The following STK11 variants were observed in gnomAD, a reference collection of about 807,000 sequenced individuals.
STK11 encodes the protein serine/threonine-protein kinase STK11.
STK11 carries 8 observed loss-of-function variants against 47.3 expected under a neutral mutation model. That is an observed-to-expected ratio of 0.17 (90% CI 0.10 to 0.31). STK11 has a LOEUF of 0.31. Ranked by LOEUF, STK11 falls within the 10% of genes least tolerant of loss-of-function variation. The probability of loss-of-function intolerance (pLI) is 1.00; values close to 1 mark genes in which losing one functional copy is unlikely to be tolerated. For synonymous variants in STK11, 330 were observed against 255.8 expected, an observed-to-expected ratio of 1.29 and a Z score of -2.77; for missense variants, 475 against 605.0, an observed-to-expected ratio of 0.79 and a Z score of 2.25.
Position 1,222,003 on chromosome 19 carries a change from A to G in STK11, c.917A>G (p.His306Arg), listed in dbSNP as rs1363241574. The G allele has an allele frequency of 6.4e-7, 1 of 1,570,392 alleles. No individual in the cohort carries two copies. The highest frequency in any genetic ancestry group is 8.6e-7 in the Non-Finnish European group (1 of 1,158,708). The stretch of plus-strand genomic sequence containing the variant: ...TTCTCCATCCGGCAGATCCGGCAGC[A>G]CAGGTGAGCGGCCCCTGGGGGCAGT... ...KRFSIRQIRQ[H>R]SWFRKKHPPA... The change falls in exon 7 of 10, where the codon CAC (histidine) becomes CGC (arginine). Residue 306 changes from histidine to arginine, a missense_variant. This residue lies in a region of STK11 where 219 missense variants were observed against 189.2 expected (regional missense o/e 1.16). Transcript: ENST00000326873.
intron 9 of STK11, 99 bp downstream of exon 9, chr19:1,226,762 T>C: frequency 7.4e-7 from 1 of 1,356,698 alleles, no homozygotes. Flanking sequence ...ATGGTGACCG[T>C]CACGTGGCTG....
intron 8 of STK11, chr19:1,226,005 C>T (rs12977689): frequency 1.6e-5 from 16 of 1,005,248 alleles, no homozygotes; most frequent in East Asian, 1.1e-4. Flanking sequence ...TGGCATTTCG[C>T]GTGCCTGGCC....
Position 1,206,797 on chromosome 19 carries a change from C to T in STK11, c.-117C>T. On this transcript the variant is annotated 5_prime_UTR_variant, in exon 1 of 10. Coordinates refer to ENST00000326873, the MANE Select transcript of STK11 (RefSeq NM_000455.5). The stretch of plus-strand genomic sequence containing the variant: ...CCCTTCCTTTTGGGGTTTTTGTTGC[C>T]TTTTTTTTTTCTTTTTTCTTTGTAA... The T allele has an allele frequency of 2.5e-6, 3 of 1,183,182 alleles. No individual in the cohort carries two copies. The highest frequency in any genetic ancestry group is 2.3e-6 in the Non-Finnish European group (2 of 885,330). The allele number at this position is 1,183,182 out of a possible 1,614,324, so 73.3% of individuals were successfully genotyped here. A position where few individuals can be genotyped will look rare whatever the true frequency, so the allele number is the denominator to read the frequency against.
At chr19:1,208,604 G>T (rs1472975641) in intron 1 of STK11, among the ~76,000 whole-genome samples, 2 of 124,316 alleles carry the variant, frequency 1.6e-5, no homozygotes, top group South Asian at 2.5e-4. Context: ...CAACGCGTGC[G>T]GCCTTTTTTT....
chr19:1,207,296 A>C (rs2145406365), intron 1 of STK11, 93 bp downstream of exon 1: 7 of 1,467,956 alleles, frequency 4.8e-6, no homozygotes, highest in Non-Finnish European at 6.4e-6. Flanking sequence ...TCCCTCCCTT[A>C]CTTCCTCTTA....
Position 1,206,703 on chromosome 19 carries a change from G to A in STK11, c.-211G>A. ...CGGTGCCCGCCGGTCCGCAGACCCT[G>A]CACCGGGCTTGGACTCGCAGCCGGG... On this transcript the variant is annotated 5_prime_UTR_variant, in exon 1 of 10. Transcript: ENST00000326873. 2.9e-6 allele frequency: 2 copies of A among 679,728 alleles called. No individual in the cohort carries two copies. The highest frequency in any genetic ancestry group is 4.7e-6 in the Non-Finnish European group (2 of 424,546). The allele number at this position is 679,728 out of a possible 1,614,324, so 42.1% of individuals were successfully genotyped here.
intron 6 of STK11, 142 bp downstream of exon 6, chr19:1,221,482 C>A (rs572679790): frequency 4.0e-5 from 52 of 1,315,220 alleles, no homozygotes; most frequent in African/African-American, 3.0e-4. Context: ...AGGCCGACCT[C>A]CCCGCAGGGC....
chr19:1,221,663 C>G (rs2080785340), intron 6 of STK11: 2 of 586,054 alleles, frequency 3.4e-6, no homozygotes, highest in Non-Finnish European at 6.1e-6. Flanking sequence ...CGCATGGCAG[C>G]AGGTGGCACT....
At position 1,206,959 on chromosome 19, in the gene STK11, G is replaced by A. The variant is rs1179004732; in HGVS notation, c.46G>A (p.Glu16Lys). The change falls in exon 1 of 10, where the codon GAG becomes AAG. Residue 16 changes from glutamate (E) to lysine (K), a missense_variant. This residue lies in a region of STK11 where 33 missense variants were observed against 26.8 expected (regional missense o/e 1.23). Transcript: ENST00000326873. Reference sequence around the variant, plus strand: ...GCAGCTGGGCATGTTCACGGAGGGCGAGCTGATGTCGGTGGGTATGGACAC... The same window carrying A: ...GCAGCTGGGCATGTTCACGGAGGGCAAGCTGATGTCGGTGGGTATGGACAC... Reference protein sequence around the residue: ...PQQLGMFTEGELMSVGMDTFI... With the variant: ...PQQLGMFTEGKLMSVGMDTFI... The A allele has an allele frequency of 1.2e-6, 2 of 1,608,654 alleles. No individual in the cohort carries two copies. Among genetic ancestry groups the A allele is most frequent in the Admixed American group, 1.7e-5 (1 of 59,308 alleles).
chr19:1,224,937 T>G, intron 8 of STK11: 1 of 985,338 alleles, frequency 1.0e-6, no homozygotes, highest in Non-Finnish European at 1.2e-6. Context: ...CCCCTTGCGT[T>G]GGGGCAGGAC....
Position 1,222,003 on chromosome 19 carries a change from A to C in STK11, c.917A>C (p.His306Pro), listed in dbSNP as rs1363241574. The change falls in exon 7 of 10, where the codon CAC becomes CCC. Residue 306 changes from histidine to proline, a missense_variant. His to Pro is a moderately conservative substitution (Grantham distance 77). This residue lies in a region of STK11 where 219 missense variants were observed against 189.2 expected (regional missense o/e 1.16). Coordinates refer to ENST00000326873, the MANE Select transcript of STK11 (RefSeq NM_000455.5). Reference protein sequence around the residue: ...KRFSIRQIRQHSWFRKKHPPA... With the variant: ...KRFSIRQIRQPSWFRKKHPPA... ...TTCTCCATCCGGCAGATCCGGCAGCACAGGTGAGCGGCCCCTGGGGGCAGT... is the reference window on the plus strand; with the variant it reads ...TTCTCCATCCGGCAGATCCGGCAGCCCAGGTGAGCGGCCCCTGGGGGCAGT... 6.4e-7 allele frequency: 1 copy of C among 1,570,392 alleles called. No homozygotes were observed.
intron 1 of STK11, among the ~76,000 whole-genome samples, chr19:1,213,903 C>T (rs564049310): frequency 3.3e-5 from 5 of 152,250 alleles, no homozygotes; most frequent in African/African-American, 9.6e-5. Context: ...AGGCCCATCT[C>T]TTCCCTGTAT....
At chr19:1,209,851 A>T (rs2080697282) in intron 1 of STK11, among the ~76,000 whole-genome samples, 1 of 151,986 alleles carries the variant, frequency 6.6e-6, no homozygotes, top group South Asian at 2.1e-4. Context: ...GCCTGGGAGA[A>T]CGGGAGGGAA....
In STK11 at chr19:1,218,513, G is replaced by A. The variant is rs1568703690; in HGVS notation, c.374+13G>A. The A allele has an allele frequency of 6.2e-7, 1 of 1,612,090 alleles. No homozygotes were observed. The highest frequency in any genetic ancestry group is 8.5e-7 in the Non-Finnish European group (1 of 1,178,880). ...AGAAGCAGAAAATATATCCTTTCCGGTGTTGGGACCGCGGGGCCTCCGTGG... is the reference window on the plus strand; with the variant it reads ...AGAAGCAGAAAATATATCCTTTCCGATGTTGGGACCGCGGGGCCTCCGTGG... On this transcript the variant is annotated intron_variant, in intron 2 of 9. Coordinates refer to ENST00000326873, the MANE Select transcript of STK11 (RefSeq NM_000455.5).
intron 8 of STK11, among the ~76,000 whole-genome samples, chr19:1,223,456 C>T (rs1402686940): frequency 1.3e-5 from 2 of 152,226 alleles, no homozygotes; most frequent in Non-Finnish European, 2.9e-5. Flanking sequence ...CACCCACCGG[C>T]CTTGGCCTGA....
intron 6 of STK11, 200 bp downstream of exon 6, chr19:1,221,540 A>T: frequency 1.2e-6 from 1 of 819,164 alleles, no homozygotes; most frequent in South Asian, 2.0e-5. Context: ...GGCCCTGTTC[A>T]CCCTCCGAAC....
At chr19:1,207,323 C>T (rs905969497) in intron 1 of STK11, 120 bp downstream of exon 1, 14 of 1,333,272 alleles carry the variant, frequency 1.1e-5, no homozygotes, top group African/African-American at 2.9e-5. Context: ...TGAGCTGGAC[C>T]CGTCTGGCGC....
chr19:1,209,575 C>T (rs529872478), intron 1 of STK11, among the ~76,000 whole-genome samples: 214 of 149,858 alleles, frequency 1.4e-3, no homozygotes, highest in African/African-American at 5.1e-3. Context: ...CAGCGAGACT[C>T]TGTCTCAAAA....
intron 1 of STK11, among the ~76,000 whole-genome samples, chr19:1,208,770 A>G (rs933356745): frequency 3.7e-5 from 5 of 136,562 alleles, no homozygotes; most frequent in African/African-American, 1.4e-4. Flanking sequence ...GGTGCCTGCC[A>G]CAGTGCCCAG....
Sources: allele counts gnomAD v4.1 joint callset (sites outside exome capture counted in the v4.1 genomes callset), GRCh38; gene constraint gnomAD v4.1.1; regional missense constraint gnomAD v4.1.1; transcripts MANE v1.5; gene names NCBI Gene and HGNC (gene_info 2026-07-23, HGNC 2026-07-21).